Variants in NT5DC1 observed in about 807,000 individuals in gnomAD.
The protein encoded by NT5DC1 is 5'-nucleotidase domain-containing protein 1.
In NT5DC1, 42 loss-of-function variants were observed where a neutral mutation model predicts 59.4. The ratio of observed to expected loss-of-function variants is 0.71; its 90% confidence interval spans 0.55 to 0.92. The LOEUF (loss-of-function observed/expected upper bound fraction) is 0.92, where lower values mean the gene tolerates loss of function less well. Among genes scored for constraint, NT5DC1 ranks in the 40% least tolerant of loss-of-function variants. The pLI, the probability that NT5DC1 is intolerant of heterozygous loss-of-function variation, is 0.00. For missense variants in NT5DC1, 501 were observed against 537.1 expected (o/e 0.93, Z 0.66); for synonymous variants, 172 against 188.1 (o/e 0.91, Z 0.70).
Position 116,240,977 on chromosome 6 carries a change from C to CT in NT5DC1, c.1252+1855dup, listed in dbSNP as rs547180365. Among the ~76,000 whole-genome samples the CT allele has an allele frequency of 1.1e-3, 163 of 152,090 alleles. 1 individual carries two copies. Among genetic ancestry groups the CT allele is most frequent in the African/African-American group, 3.7e-3 (155 of 41,502 alleles). On this transcript the variant is annotated intron_variant, in intron 11 of 11. Transcript: ENST00000319550. Reference sequence around the variant, plus strand: ...TGGCCAACATGGTGAAACCCCGTCTCTACTAAAAGTACAAAAATTAGCCGG... The same window carrying CT: ...TGGCCAACATGGTGAAACCCCGTCTCTTACTAAAAGTACAAAAATTAGCCGG...
intron 6 of NT5DC1, among the ~76,000 whole-genome samples, chr6:116,163,141 A>AATATATATATATATATATATAT (rs1554197063): frequency 1.2e-4 from 11 of 88,384 alleles, no homozygotes; most frequent in African/African-American, 5.8e-4. Flanking sequence ...AAAAAAAAAA[A>AATATATATATATATATATATAT]ATATATATAT....
chr6:116,180,022 G>C (rs1345048999), intron 6 of NT5DC1, among the ~76,000 whole-genome samples: 4 of 151,808 alleles, frequency 2.6e-5, no homozygotes. Context: ...ATTAAATCTT[G>C]TTTTTTATTG....
At chr6:116,165,376 T>G (rs931942953) in intron 6 of NT5DC1, among the ~76,000 whole-genome samples, 1 of 152,228 alleles carries the variant, frequency 6.6e-6, no homozygotes, top group Non-Finnish European at 1.5e-5. Flanking sequence ...TGGATTTCTA[T>G]ATCTCTAACA....
intron 6 of NT5DC1, among the ~76,000 whole-genome samples, chr6:116,156,898 G>C (rs1780208326): frequency 6.6e-6 from 1 of 152,110 alleles, no homozygotes; most frequent in African/African-American, 2.4e-5. Flanking sequence ...GTTCTCCTCA[G>C]GAGCCCAGCT....
intron 6 of NT5DC1, among the ~76,000 whole-genome samples, chr6:116,172,884 T>A (rs1473191078): frequency 1.3e-5 from 2 of 152,164 alleles, no homozygotes; most frequent in African/African-American, 4.8e-5. Context: ...TAAGATAGGA[T>A]GTTTCAGGAT....
intron 6 of NT5DC1, among the ~76,000 whole-genome samples, chr6:116,129,223 C>T (rs1416566292): frequency 1.3e-5 from 2 of 151,888 alleles, no homozygotes; most frequent in Admixed American, 6.6e-5. Context: ...CATGTATATA[C>T]ACAAACATAT....
intron 8 of NT5DC1, among the ~76,000 whole-genome samples, chr6:116,231,182 A>G (rs1419462346): frequency 1.4e-5 from 2 of 143,290 alleles, no homozygotes; most frequent in African/African-American, 2.6e-5. Context: ...AAGAGTAAGA[A>G]TCACACTTTT....
intron 2 of NT5DC1, among the ~76,000 whole-genome samples, chr6:116,107,343 C>A (rs1582803852): frequency 6.6e-6 from 1 of 150,550 alleles, no homozygotes; most frequent in African/African-American, 2.5e-5. Context: ...GGAAGTTTTA[C>A]CCTGAACAAA....
At chr6:116,135,878 C>G (rs1449437843) in intron 6 of NT5DC1, among the ~76,000 whole-genome samples, 2 of 128,460 alleles carry the variant, frequency 1.6e-5, no homozygotes, top group Non-Finnish European at 3.4e-5. Flanking sequence ...TATATACACA[C>G]ATACACACAC....
intron 6 of NT5DC1, among the ~76,000 whole-genome samples, chr6:116,194,417 C>T (rs775223799): frequency 9.2e-5 from 14 of 151,760 alleles, no homozygotes; most frequent in East Asian, 1.9e-4. Context: ...TTGACAATTT[C>T]GGGAAAAAAA....
intron 6 of NT5DC1, among the ~76,000 whole-genome samples, chr6:116,162,634 G>A (rs751979827): frequency 3.3e-5 from 5 of 152,210 alleles, no homozygotes; most frequent in South Asian, 2.1e-4. Context: ...CCACTTGATC[G>A]TGATGAATTA....
intron 6 of NT5DC1, among the ~76,000 whole-genome samples, chr6:116,220,582 A>T (rs1046139615): frequency 1.3e-5 from 2 of 152,248 alleles, no homozygotes; most frequent in African/African-American, 4.8e-5. Context: ...CTGAAATAGC[A>T]AACTGTGACT....
chr6:116,232,922 A>T (rs1562175505), intron 8 of NT5DC1, among the ~76,000 whole-genome samples: 1 of 152,152 alleles, frequency 6.6e-6, no homozygotes, highest in East Asian at 1.9e-4. Context: ...TGGCTCCTCC[A>T]TCTCTTTATC....
chr6:116,127,430 C>G (rs879269617), intron 6 of NT5DC1, among the ~76,000 whole-genome samples: 1 of 151,888 alleles, frequency 6.6e-6, no homozygotes, highest in African/African-American at 2.4e-5. Flanking sequence ...CTGTATAATA[C>G]TCATAGATAC....
intron 6 of NT5DC1, among the ~76,000 whole-genome samples, chr6:116,167,564 T>C (rs189537517): frequency 6.6e-4 from 100 of 152,314 alleles, no homozygotes; most frequent in African/African-American, 2.2e-3. Context: ...ACCAGTTATT[T>C]GTACTGATTT....
At chr6:116,131,802 T>C (rs1224478457) in intron 6 of NT5DC1, among the ~76,000 whole-genome samples, 1 of 152,172 alleles carries the variant, frequency 6.6e-6, no homozygotes, top group African/African-American at 2.4e-5. Flanking sequence ...ATTAGTTATT[T>C]TTCCTAATCC....
chr6:116,139,809 G>A (rs1779719044), intron 6 of NT5DC1, among the ~76,000 whole-genome samples: 1 of 152,086 alleles, frequency 6.6e-6, no homozygotes, highest in East Asian at 1.9e-4. Flanking sequence ...TTCAATGTGA[G>A]GGCCATTTGT....
chr6:116,240,001 A>G (rs1421046485), intron 11 of NT5DC1, among the ~76,000 whole-genome samples: 1 of 152,224 alleles, frequency 6.6e-6, no homozygotes, highest in Non-Finnish European at 1.5e-5. Context: ...AACTTAACAG[A>G]TGGATTTAAC....
intron 8 of NT5DC1, among the ~76,000 whole-genome samples, chr6:116,233,723 A>G (rs1034249882): frequency 6.6e-6 from 1 of 152,148 alleles, no homozygotes; most frequent in African/African-American, 2.4e-5. Context: ...ACTTTTTCAG[A>G]TATCAGTTTA....
Sources: allele counts gnomAD v4.1 joint callset (sites outside exome capture counted in the v4.1 genomes callset), GRCh38; gene constraint gnomAD v4.1.1; transcripts MANE v1.5; gene names NCBI Gene and HGNC (gene_info 2026-07-23, HGNC 2026-07-21).